PRDM16: variants seen among roughly 807,000 people sequenced by gnomAD.
PRDM16 encodes PR/SET domain 16, also known as histone-lysine N-methyltransferase PRDM16.
A neutral mutation model predicts 110.6 loss-of-function variants in PRDM16; 23 were observed. The ratio of observed to expected loss-of-function variants is 0.21; its 90% CI spans 0.15 to 0.29. The LOEUF is 0.29. Ranked by LOEUF, PRDM16 falls within the 10% of genes least tolerant of loss-of-function variation. The probability of loss-of-function intolerance (pLI) is 1.00; values close to 1 mark genes in which losing one functional copy is unlikely to be tolerated. For missense variants in PRDM16, 1,615 were observed against 1,794.3 expected, an observed-to-expected ratio of 0.90 and a Z score of 1.81; for synonymous variants, 799 against 781.8, an observed-to-expected ratio of 1.02 and a Z score of -0.37.
intron 3 of PRDM16, among the ~76,000 whole-genome samples, chr1:3,324,035 C>T (rs185869461): frequency 2.6e-5 from 4 of 152,280 alleles, no homozygotes; most frequent in South Asian, 2.1e-4. Flanking sequence ...ACCCTCCCTC[C>T]GTCTGGGTTG....
chr1:3,421,844 G>A (rs531396714), intron 12 of PRDM16, among the ~76,000 whole-genome samples: 1 of 152,364 alleles, frequency 6.6e-6, no homozygotes, highest in Admixed American at 6.5e-5. Flanking sequence ...CCGTGTTTGA[G>A]CACACATGCA....
At chr1:3,277,510 A>G (rs1371460155) in intron 3 of PRDM16, among the ~76,000 whole-genome samples, 3 of 152,244 alleles carry the variant, frequency 2.0e-5, no homozygotes, top group African/African-American at 7.2e-5. Flanking sequence ...CCAGTACAGG[A>G]AAGCCCCAGG....
At chr1:3,239,462 G>A (rs192976268) in intron 2 of PRDM16, among the ~76,000 whole-genome samples, 1 of 152,248 alleles carries the variant, frequency 6.6e-6, no homozygotes, top group East Asian at 1.9e-4. Flanking sequence ...GGATGTGGAG[G>A]TTGTAGACAG....
At chr1:3,211,605 C>T (rs977147624) in intron 2 of PRDM16, among the ~76,000 whole-genome samples, 2 of 152,232 alleles carry the variant, frequency 1.3e-5, no homozygotes, top group African/African-American at 4.8e-5. Flanking sequence ...CTCAAGGCCC[C>T]GGCCTCGTCC....
In PRDM16 at chr1:3,436,240, G is replaced by C. The variant is rs1224519173; in HGVS notation, c.*2429G>C. On this transcript the variant is annotated 3_prime_UTR_variant, in exon 17 of 17. Transcript: ENST00000270722. The stretch of plus-strand genomic sequence containing the variant: ...ATATGACCCCGTCTCTCTGAAGTGG[G>C]ACATTCGGACGGATGGAGCCCTCAG... The C allele has an allele frequency of 8.7e-6, 2 of 229,514 alleles. No homozygotes were observed. Among genetic ancestry groups the C allele is most frequent in the Non-Finnish European group, 1.7e-5 (2 of 115,964 alleles). 14.2% of individuals were successfully genotyped at this position (229,514 alleles called of 1,614,324 possible).
intron 2 of PRDM16, among the ~76,000 whole-genome samples, chr1:3,231,192 A>G (rs564248012): frequency 2.6e-4 from 39 of 152,222 alleles, no homozygotes; most frequent in Admixed American, 1.9e-3. Flanking sequence ...AACCCTTCAT[A>G]CACGTAAAAG....
chr1:3,173,007 G>A (rs946071994), intron 1 of PRDM16, among the ~76,000 whole-genome samples: 4 of 152,242 alleles, frequency 2.6e-5, no homozygotes, highest in Non-Finnish European at 5.9e-5. Context: ...ATCTTAGCTC[G>A]TGGAGCTAGT....
intron 2 of PRDM16, among the ~76,000 whole-genome samples, chr1:3,218,463 C>A (rs1390584962): frequency 6.6e-6 from 1 of 152,224 alleles, no homozygotes; most frequent in African/African-American, 2.4e-5. Flanking sequence ...CACACTTGGG[C>A]ACACCCACCC....
intron 4 of PRDM16, among the ~76,000 whole-genome samples, chr1:3,393,831 A>C (rs901248716): frequency 6.6e-6 from 1 of 152,164 alleles, no homozygotes; most frequent in African/African-American, 2.4e-5. Context: ...AAGCAGTTGG[A>C]GGCAGGTCGG....
chr1:3,116,588 C>G (rs374692489), intron 1 of PRDM16, among the ~76,000 whole-genome samples: 1 of 152,184 alleles, frequency 6.6e-6, no homozygotes, highest in African/African-American at 2.4e-5. Flanking sequence ...CCTCTCTCCC[C>G]GCCCGGGACA....
chr1:3,163,761 A>G (rs1471579649), intron 1 of PRDM16, among the ~76,000 whole-genome samples: 4 of 152,110 alleles, frequency 2.6e-5, no homozygotes, highest in Non-Finnish European at 5.9e-5. Flanking sequence ...TGTGCATGTC[A>G]TATTCTACCC....
At chr1:3,404,669 A>G (rs1643529471) in intron 6 of PRDM16, 70 bp from the exon 7 acceptor site, 10 of 1,588,378 alleles carry the variant, frequency 6.3e-6, no homozygotes, top group Non-Finnish European at 8.6e-6. Context: ...AACAAGCTGT[A>G]TGGTTGGGGT....
chr1:3,408,161 G>A (rs1472960995), intron 8 of PRDM16, among the ~76,000 whole-genome samples: 1 of 152,208 alleles, frequency 6.6e-6, no homozygotes, highest in Non-Finnish European at 1.5e-5. Flanking sequence ...CAGCTGCGCA[G>A]GCGCTCATGG....
chr1:3,160,641 G>T (rs978935592), intron 1 of PRDM16, among the ~76,000 whole-genome samples: 2 of 152,180 alleles, frequency 1.3e-5, no homozygotes, highest in Non-Finnish European at 2.9e-5. Flanking sequence ...GGTGAGAAGC[G>T]CCATCTGGGT....
intron 3 of PRDM16, among the ~76,000 whole-genome samples, chr1:3,301,164 C>T (rs945998458): frequency 6.6e-6 from 1 of 151,952 alleles, no homozygotes; most frequent in Non-Finnish European, 1.5e-5. Context: ...GACCCTGTCT[C>T]TACAAAAAAA....
chr1:3,194,268 T>G (rs1334055888), intron 2 of PRDM16, among the ~76,000 whole-genome samples: 1 of 152,202 alleles, frequency 6.6e-6, no homozygotes, highest in Admixed American at 6.5e-5. Flanking sequence ...TCTCAGGTCC[T>G]GCAGAGGTGT....
chr1:3,125,896 G>A (rs1464363391), intron 1 of PRDM16, among the ~76,000 whole-genome samples: 1 of 152,348 alleles, frequency 6.6e-6, no homozygotes, highest in East Asian at 1.9e-4. Flanking sequence ...TTGCTGTCAC[G>A]GGGCTGTTAC....
chr1:3,318,320 GGGT>G (rs918769170), intron 3 of PRDM16, among the ~76,000 whole-genome samples: 14 of 152,164 alleles, frequency 9.2e-5, no homozygotes, highest in African/African-American at 3.4e-4. Flanking sequence ...TGAGGAGTTT[GGGT>G]GGTGTTGGTT....
At chr1:3,262,447 A>C (rs932062538) in intron 3 of PRDM16, among the ~76,000 whole-genome samples, 17 of 152,174 alleles carry the variant, frequency 1.1e-4, no homozygotes, top group African/African-American at 3.9e-4. Flanking sequence ...TGGGGCCCCC[A>C]AGGAACCGGC....
Sources: allele counts gnomAD v4.1 joint callset (sites outside exome capture counted in the v4.1 genomes callset), GRCh38; gene constraint gnomAD v4.1.1; transcripts MANE v1.5; gene names NCBI Gene and HGNC (gene_info 2026-07-23, HGNC 2026-07-21).